Variants in TMEM108 observed in about 807,000 individuals in gnomAD.
TMEM108 encodes the protein cancer/testis antigen 124.
TMEM108 carries 12 observed loss-of-function variants against 35.1 expected under a neutral mutation model. That is an observed-to-expected ratio of 0.34 (90% CI 0.22 to 0.55). TMEM108 has a LOEUF of 0.55. Ranked by LOEUF, TMEM108 falls within the 20% of genes least tolerant of loss-of-function variation. TMEM108 has a pLI of 0.89. For synonymous variants in TMEM108, 287 were observed against 308.6 expected (o/e 0.93, Z 0.73); for missense variants, 680 against 753.3 (o/e 0.90, Z 1.14).
chr3:133,251,667 C>T (rs1559882784), intron 3 of TMEM108, among the ~76,000 whole-genome samples: 1 of 152,108 alleles, frequency 6.6e-6, no homozygotes, highest in Non-Finnish European at 1.5e-5. Flanking sequence ...CCTCCTCTGA[C>T]TAGAAGTGAT....
chr3:133,048,625 T>TGAA (rs1026795686), intron 2 of TMEM108, among the ~76,000 whole-genome samples: 10 of 152,342 alleles, frequency 6.6e-5, no homozygotes, highest in Admixed American at 6.5e-4. Context: ...GCTGTGTTTC[T>TGAA]GGTCCCTGTG....
chr3:133,140,510 A>G (rs578251234), intron 2 of TMEM108, among the ~76,000 whole-genome samples: 8 of 152,354 alleles, frequency 5.3e-5, no homozygotes, highest in Non-Finnish European at 1.2e-4. Flanking sequence ...GATTGATTAG[A>G]AAGAAGATAT....
At chr3:133,164,849 G>A (rs1400771383) in intron 2 of TMEM108, among the ~76,000 whole-genome samples, 1 of 152,002 alleles carries the variant, frequency 6.6e-6, no homozygotes, top group Non-Finnish European at 1.5e-5. Flanking sequence ...CATTAATAAT[G>A]TACATAATTT....
chr3:133,380,424 G>A lies in TMEM108; in HGVS notation c.713G>A (p.Arg238Lys). 1 of 1,613,572 alleles carries A rather than the reference G, an allele frequency of 6.2e-7. No homozygotes were observed. The highest frequency in any genetic ancestry group is 8.5e-7 in the Non-Finnish European group (1 of 1,179,686). Residue 238 changes from arginine to lysine, a missense_variant, in exon 4 of 6, where the codon AGG becomes AAG. Physicochemically the swap from Arg to Lys is conservative, Grantham distance 26 (BLOSUM62 2). Around this residue, in one of 3 missense-constraint regions of TMEM108, gnomAD observed 526 missense variants for 532.1 expected, o/e 0.99. Coordinates refer to ENST00000321871, the MANE Select transcript of TMEM108 (RefSeq NM_023943.4). The surrounding 1 kb of genome is among the most constrained non-coding windows in gnomAD (Gnocchi z 5.3). ...VEPEPSTLTP[R>K]TPLWGYSSSP... ...CCGGAGCCCTCTACCCTCACCCCCA[G>A]GACCCCACTCTGGGGCTACTCCTCT...
chr3:133,069,164 T>C (rs1347729436), intron 2 of TMEM108, among the ~76,000 whole-genome samples: 1 of 152,216 alleles, frequency 6.6e-6, no homozygotes, highest in Non-Finnish European at 1.5e-5. Context: ...TTCATGAGGA[T>C]GGAGCCGATG....
chr3:133,075,777 G>A (rs1033053410), intron 2 of TMEM108, among the ~76,000 whole-genome samples: 2 of 152,206 alleles, frequency 1.3e-5, no homozygotes, highest in Non-Finnish European at 2.9e-5. Context: ...AAGCTATTTC[G>A]CCCATCCTGT....
At chr3:133,114,075 G>A (rs1944257881) in intron 2 of TMEM108, among the ~76,000 whole-genome samples, 1 of 152,178 alleles carries the variant, frequency 6.6e-6, no homozygotes, top group South Asian at 2.1e-4. Flanking sequence ...CTTGGAGGAA[G>A]CACCTGGCTG....
chr3:133,323,908 A>G (rs1010054645), intron 3 of TMEM108, among the ~76,000 whole-genome samples: 1 of 152,214 alleles, frequency 6.6e-6, no homozygotes, highest in African/African-American at 2.4e-5. Flanking sequence ...CACAGCAAAC[A>G]AAAACATAAA....
intron 5 of TMEM108, among the ~76,000 whole-genome samples, chr3:133,395,605 G>A (rs1403210677): frequency 6.6e-6 from 1 of 152,078 alleles, no homozygotes; most frequent in East Asian, 1.9e-4. Flanking sequence ...TCCAGAAGCA[G>A]GGAACATTTT....
rs540122770 is a variant in TMEM108 at position 133,362,493 on chromosome 3, A to C, written c.41-17259A>C. ...ATGGTGCAGGGGCTTCTTTGGACTC[A>C]TGTCCCTCTCTATGACCCTACTGAA... On this transcript the variant is annotated intron_variant, in intron 3 of 5. Transcript: ENST00000321871. Among the ~76,000 whole-genome samples the C allele has an allele frequency of 1.4e-4, 22 of 152,308 alleles. No homozygotes were observed. In the South Asian group the frequency reaches 2.5e-3, roughly 17 times the overall value.
At chr3:133,137,080 G>A (rs778234626) in intron 2 of TMEM108, among the ~76,000 whole-genome samples, 7 of 152,176 alleles carry the variant, frequency 4.6e-5, no homozygotes, top group Non-Finnish European at 5.9e-5. Context: ...TCCTACATCT[G>A]CATAGAGACG....
intron 2 of TMEM108, among the ~76,000 whole-genome samples, chr3:133,062,599 T>C (rs2107683106): frequency 6.6e-6 from 1 of 152,362 alleles, no homozygotes; most frequent in East Asian, 1.9e-4. Context: ...GTAAATCTCA[T>C]ATAAAATGTA....
intron 2 of TMEM108, among the ~76,000 whole-genome samples, chr3:133,127,384 C>T (rs1576332973): frequency 6.6e-6 from 1 of 152,224 alleles, no homozygotes; most frequent in African/African-American, 2.4e-5. Context: ...CTAGCCTTTT[C>T]CTTCACTTCC....
At chr3:133,057,114 C>T (rs1943474267) in intron 2 of TMEM108, among the ~76,000 whole-genome samples, 1 of 152,096 alleles carries the variant, frequency 6.6e-6, no homozygotes, top group Non-Finnish European at 1.5e-5. Context: ...GTGATGCTCT[C>T]CCTGCAATTC....
At chr3:133,367,336 T>C (rs895995845) in intron 3 of TMEM108, among the ~76,000 whole-genome samples, 1 of 152,260 alleles carries the variant, frequency 6.6e-6, no homozygotes, top group Non-Finnish European at 1.5e-5. Context: ...GGTATCAGTA[T>C]TGATATTGGG....
intron 3 of TMEM108, among the ~76,000 whole-genome samples, chr3:133,345,944 C>T (rs1209868693): frequency 6.6e-6 from 1 of 151,926 alleles, no homozygotes; most frequent in African/African-American, 2.4e-5. Context: ...AAGGATCTTC[C>T]ACGTCTTTTT....
chr3:133,295,106 G>A (rs1429704793), intron 3 of TMEM108, among the ~76,000 whole-genome samples: 1 of 152,144 alleles, frequency 6.6e-6, no homozygotes, highest in African/African-American at 2.4e-5. Flanking sequence ...TTGAGATGCT[G>A]CAGTCACATA....
intron 3 of TMEM108, among the ~76,000 whole-genome samples, chr3:133,349,458 A>G (rs981297919): frequency 2.0e-5 from 3 of 152,210 alleles, no homozygotes; most frequent in Admixed American, 1.3e-4. Context: ...ATAGGATTAC[A>G]TGAAACTAAT....
intron 2 of TMEM108, among the ~76,000 whole-genome samples, chr3:133,050,342 TTTG>T (rs1165252191): frequency 1.3e-5 from 2 of 152,254 alleles, no homozygotes; most frequent in Non-Finnish European, 2.9e-5. Flanking sequence ...TATTCACTCA[TTTG>T]TTTATTTGAA....
Sources: allele counts gnomAD v4.1 joint callset (sites outside exome capture counted in the v4.1 genomes callset), GRCh38; gene constraint gnomAD v4.1.1; regional missense constraint gnomAD v4.1.1; non-coding constraint Gnocchi (gnomAD v3.1); transcripts MANE v1.5; gene names NCBI Gene and HGNC (gene_info 2026-07-23, HGNC 2026-07-21).